Variants in SLIT3 observed in about 807,000 individuals in gnomAD.
SLIT3 encodes slit guidance ligand 3, also known as slit homolog 3 protein.
Under a neutral mutation model 184.0 loss-of-function variants are expected in SLIT3, and 68 were observed. The observed-to-expected ratio is 0.37, with a 90% confidence interval of 0.30 to 0.45. The LOEUF (loss-of-function observed/expected upper bound fraction) is 0.45, where lower values mean the gene tolerates loss of function less well. Among genes scored for constraint, SLIT3 ranks in the 20% least tolerant of loss-of-function variants. The probability of loss-of-function intolerance (pLI) is 1.00; values close to 1 mark genes in which losing one functional copy is unlikely to be tolerated. For missense variants in SLIT3, 1,707 were observed against 2,026.0 expected (o/e 0.84, Z 3.02); for synonymous variants, 831 against 828.6 (o/e 1.00, Z -0.05).
At chr5:168,685,563 C>G in intron 31 of SLIT3, 124 bp downstream of exon 31, 1 of 1,300,766 alleles carries the variant, frequency 7.7e-7, no homozygotes. Context: ...CAGATGTCCT[C>G]AAGCTGAGTG....
chr5:168,777,818 A>C (rs1216600148), intron 12 of SLIT3, among the ~76,000 whole-genome samples: 1 of 152,212 alleles, frequency 6.6e-6, no homozygotes, highest in Non-Finnish European at 1.5e-5. Flanking sequence ...GCAAGATCTA[A>C]CAGCCTGTCC....
chr5:169,064,853 T>C (rs1340505238), intron 4 of SLIT3, among the ~76,000 whole-genome samples: 1 of 152,200 alleles, frequency 6.6e-6, no homozygotes, highest in East Asian at 1.9e-4. Flanking sequence ...CCAAAGAGAT[T>C]TTCCAGCCCG....
intron 3 of SLIT3, among the ~76,000 whole-genome samples, chr5:169,226,354 C>G (rs1454102259): frequency 2.0e-5 from 3 of 152,164 alleles, no homozygotes; most frequent in Admixed American, 2.0e-4. Context: ...TTCCCCTGAC[C>G]CTTCCCACTT....
intron 4 of SLIT3, among the ~76,000 whole-genome samples, chr5:169,117,386 C>T (rs1180598466): frequency 6.6e-6 from 1 of 152,156 alleles, no homozygotes; most frequent in Non-Finnish European, 1.5e-5. Flanking sequence ...CCCTTCGTGA[C>T]AATTACTGTG....
intron 14 of SLIT3, among the ~76,000 whole-genome samples, chr5:168,762,999 A>G (rs1755212950): frequency 6.6e-6 from 1 of 152,058 alleles, no homozygotes; most frequent in Non-Finnish European, 1.5e-5. Flanking sequence ...GAAAGTTATG[A>G]ATGTTCTCCT....
chr5:169,139,915 T>C (rs1175627477), intron 4 of SLIT3, among the ~76,000 whole-genome samples: 1 of 152,116 alleles, frequency 6.6e-6, no homozygotes, highest in East Asian at 1.9e-4. Flanking sequence ...CGAGCAAATA[T>C]TGATATATTA....
At chr5:168,839,454 G>T (rs115192788) in intron 6 of SLIT3, among the ~76,000 whole-genome samples, 35 of 152,356 alleles carry the variant, frequency 2.3e-4, no homozygotes, top group South Asian at 1.7e-3. Context: ...CTGCAATGCA[G>T]AAATGCCGGC....
intron 5 of SLIT3, among the ~76,000 whole-genome samples, chr5:168,873,686 G>A (rs1018183021): frequency 1.3e-5 from 2 of 151,946 alleles, no homozygotes; most frequent in African/African-American, 4.8e-5. Flanking sequence ...AGAAAGCAAC[G>A]TACAAATGCG....
chr5:169,051,156 G>C (rs1162865379), intron 4 of SLIT3, among the ~76,000 whole-genome samples: 1 of 152,144 alleles, frequency 6.6e-6, no homozygotes, highest in African/African-American at 2.4e-5. Flanking sequence ...TTCAGAACCG[G>C]AAAGGAAAAG....
At chr5:168,677,291 T>C (rs1261799477) in intron 32 of SLIT3, among the ~76,000 whole-genome samples, 2 of 152,166 alleles carry the variant, frequency 1.3e-5, no homozygotes, top group African/African-American at 4.8e-5. Context: ...TTGTTTTTAG[T>C]AAGAGACAGG....
intron 3 of SLIT3, among the ~76,000 whole-genome samples, chr5:169,202,043 G>A (rs916006987): frequency 6.6e-6 from 1 of 152,046 alleles, no homozygotes; most frequent in Non-Finnish European, 1.5e-5. Context: ...AGCAGCCTGG[G>A]AAATATAGTG....
At chr5:169,048,108 T>G (rs1223471944) in intron 4 of SLIT3, among the ~76,000 whole-genome samples, 1 of 152,160 alleles carries the variant, frequency 6.6e-6, no homozygotes, top group East Asian at 1.9e-4. Flanking sequence ...TGATGCCCCT[T>G]GACTAAAATT....
chr5:168,851,291 C>T (rs1398723016), intron 5 of SLIT3, among the ~76,000 whole-genome samples: 7 of 144,452 alleles, frequency 4.8e-5, no homozygotes, highest in African/African-American at 1.8e-4. Flanking sequence ...CAACTGCACT[C>T]GAGCCTGGGC....
intron 3 of SLIT3, among the ~76,000 whole-genome samples, chr5:169,197,386 G>C (rs895568135): frequency 6.6e-6 from 1 of 152,144 alleles, no homozygotes; most frequent in Non-Finnish European, 1.5e-5. Context: ...TATGGGCCTG[G>C]AAAGTCTTCC....
At chr5:169,054,568 T>C (rs2113072511) in intron 4 of SLIT3, among the ~76,000 whole-genome samples, 1 of 152,224 alleles carries the variant, frequency 6.6e-6, no homozygotes, top group Non-Finnish European at 1.5e-5. Flanking sequence ...GCCAAAGTGA[T>C]CTTCCCAAAA....
intron 32 of SLIT3, among the ~76,000 whole-genome samples, chr5:168,680,284 A>G (rs1453603082): frequency 6.6e-6 from 1 of 152,254 alleles, no homozygotes; most frequent in Non-Finnish European, 1.5e-5. Flanking sequence ...GTCTGTCCCC[A>G]TTCTGGGGCA....
intron 4 of SLIT3, among the ~76,000 whole-genome samples, chr5:169,161,150 C>G (rs561887333): frequency 1.1e-4 from 16 of 152,310 alleles, no homozygotes; most frequent in African/African-American, 3.1e-4. Context: ...GCCTCCTCCT[C>G]CTCTGACAAT....
At chr5:168,717,570 G>T (rs1762781576) in intron 23 of SLIT3, among the ~76,000 whole-genome samples, 1 of 152,132 alleles carries the variant, frequency 6.6e-6, no homozygotes, top group South Asian at 2.1e-4. Flanking sequence ...CCCCTCCAGA[G>T]TTAAGCACAG....
chr5:169,013,422 A>C (rs1328797596), intron 4 of SLIT3: 1 of 152,206 alleles, frequency 6.6e-6, no homozygotes, highest in Non-Finnish European at 1.5e-5. Context: ...GAGACAGGAA[A>C]ACCTCTTCTG....
Sources: gnomAD v4.1 joint callset for allele counts (sites outside exome capture counted in the v4.1 genomes callset) on GRCh38, gnomAD v4.1.1 for gene constraint, MANE v1.5 for transcripts, NCBI Gene and HGNC (gene_info 2026-07-23, HGNC 2026-07-21) for gene names.